The following PEMT variants were observed in gnomAD, a reference collection of about 807,000 sequenced individuals.
PEMT encodes the protein phosphatidylethanolamine N-methyltransferase.
In PEMT, 23 loss-of-function variants were observed where a neutral mutation model predicts 27.4. The observed-to-expected ratio is 0.84, with a 90% CI of 0.60 to 1.19. PEMT has a LOEUF of 1.19. Among genes scored for constraint, PEMT ranks in the 50% most tolerant of loss-of-function variants. The pLI, the probability that PEMT is intolerant of heterozygous loss-of-function variation, is 0.00. For synonymous variants in PEMT, 137 were observed against 139.1 expected (o/e 0.98, Z 0.11); for missense variants, 307 against 310.1 (o/e 0.99, Z 0.07).
chr17:17,519,196 T>C (rs1907081776), intron 3 of PEMT: 1 of 151,910 alleles, frequency 6.6e-6, no homozygotes, highest in South Asian at 2.1e-4. Context: ...GAAGGATGGG[T>C]CACCAGGGAC....
At chr17:17,577,591 C>T (rs997530467) in intron 1 of PEMT, 6 of 831,994 alleles carry the variant, frequency 7.2e-6, no homozygotes, top group South Asian at 5.5e-5. Context: ...ACACTGCCCC[C>T]GCCCCGCCAT....
intron 2 of PEMT, among the ~76,000 whole-genome samples, chr17:17,544,920 A>G (rs1005830452): frequency 1.3e-5 from 2 of 152,180 alleles, no homozygotes; most frequent in Non-Finnish European, 2.9e-5. Flanking sequence ...GGACCTGGAC[A>G]TGTTATTTTG....
rs147323608 is a variant in PEMT, at chr17:17,562,833, C to T, written c.204+14087G>A. On this transcript the variant is annotated intron_variant, in intron 2 of 6. Transcript: ENST00000255389. ...CAAGAAAAAAAAAGAGAGAGAAATGCCCCCAGGTCCCACCAGACCCTTGCC... is the reference window on the plus strand; with the variant it reads ...CAAGAAAAAAAAAGAGAGAGAAATGTCCCCAGGTCCCACCAGACCCTTGCC... Among the ~76,000 whole-genome samples the T allele has an allele frequency of 7.4e-3, 1,126 of 152,142 alleles. 14 individuals are homozygous for T. Among genetic ancestry groups the T allele is most frequent in the Non-Finnish European group, 7.5e-3 (510 of 67,990 alleles).
intron 2 of PEMT, among the ~76,000 whole-genome samples, chr17:17,537,215 C>T (rs1051672546): frequency 2.0e-5 from 3 of 152,350 alleles, no homozygotes; most frequent in Non-Finnish European, 4.4e-5. Context: ...AGCCAGCATG[C>T]TCAGAGTCCA....
rs867655833 is a variant in PEMT, at chr17:17,506,431, C to T, written c.579-130G>A. The T allele has an allele frequency of 7.9e-5, 49 of 623,032 alleles. 1 individual carries two copies. The Middle Eastern group carries it at 1.3e-3, about 16-fold the overall frequency. 38.6% of individuals were successfully genotyped at this position (623,032 alleles called of 1,614,324 possible). A position where few individuals can be genotyped will look rare whatever the true frequency, so the allele number is the denominator to read the frequency against. ...CCGACGCTGGGCCACTTGGGCCGAC[C>T]GAGCCCAGGCAGCACTGCCCCTTCC... On this transcript the variant is annotated intron_variant, in intron 5 of 6. Transcript: ENST00000255389.
intron 3 of PEMT, among the ~76,000 whole-genome samples, chr17:17,516,904 T>G (rs4244593): frequency 0.62 from 94,834 of 151,908 alleles, 30,484 homozygotes; most frequent in African/African-American, 0.78. Context: ...GGCACCTGCC[T>G]CGAGGAAATC....
intron 2 of PEMT, among the ~76,000 whole-genome samples, chr17:17,550,579 C>T (rs1284423106): frequency 6.6e-6 from 1 of 152,198 alleles, no homozygotes; most frequent in Non-Finnish European, 1.5e-5. Context: ...AGGCTGCATT[C>T]GGATCCCATC....
chr17:17,506,853 G>A, intron 5 of PEMT: 1 of 398,402 alleles, frequency 2.5e-6, no homozygotes, highest in Non-Finnish European at 4.6e-6. Context: ...GGGGGCTTAG[G>A]AGCTGCCGCC....
intron 2 of PEMT, among the ~76,000 whole-genome samples, chr17:17,573,390 CT>C (rs2142732484): frequency 6.6e-6 from 1 of 150,912 alleles, no homozygotes; most frequent in East Asian, 1.9e-4. Context: ...TCGCTTGAAC[CT>C]GAGAGGCAGA....
At position 17,512,585 on chromosome 17, in the gene PEMT, G is replaced by C. The variant is rs768980900; in HGVS notation, c.390C>G (p.Gly130=). The C allele has an allele frequency of 3.7e-6, 6 of 1,607,492 alleles. No homozygotes were observed. The highest frequency in any genetic ancestry group is 4.2e-6 in the Non-Finnish European group (5 of 1,176,910). Residue 130 remains glycine, a synonymous_variant, in exon 4 of 7, where the codon GGC becomes GGG. Coordinates refer to ENST00000255389, the MANE Select transcript of PEMT (RefSeq NM_148172.3). The surrounding 1 kb of genome is among the most constrained non-coding windows in gnomAD (Gnocchi z 6.3). ...CGACGCCCAGTCCCAGGAGCGCGAGGCCCAGGCTGTAGGCCGCGGGGGTGT... is the reference window on the plus strand; with the variant it reads ...CGACGCCCAGTCCCAGGAGCGCGAGCCCCAGGCTGTAGGCCGCGGGGGTGT... ...SLDTPAAYSL[G]LALLGLGVVL...
At chr17:17,552,537 C>G (rs961104437) in intron 2 of PEMT, among the ~76,000 whole-genome samples, 2 of 152,206 alleles carry the variant, frequency 1.3e-5, no homozygotes, top group African/African-American at 4.8e-5. Flanking sequence ...CCGCGGCGCA[C>G]CCAAGCCCCA....
chr17:17,540,158 G>A (rs1328200373), intron 2 of PEMT, among the ~76,000 whole-genome samples: 4 of 152,218 alleles, frequency 2.6e-5, no homozygotes, highest in Admixed American at 1.3e-4. Context: ...GGGCAGGGGC[G>A]CAGGATGGAG....
chr17:17,581,819 C>A lies in PEMT; in HGVS notation c.97-4792G>T, dbSNP rs1391877955. ...AGGATTTATGTTGCCCGGAGAAGCA[C>A]CTGCTTCGCTGGAAAGAATGACTAA... is the stretch of plus-strand genomic sequence containing the variant. On this transcript the variant is annotated intron_variant, in intron 1 of 6. Coordinates refer to ENST00000255389, the MANE Select transcript of PEMT (RefSeq NM_148172.3). Among the ~76,000 whole-genome samples, 4 of 152,168 alleles carry A rather than the reference C, an allele frequency of 2.6e-5. No individual in the cohort carries two copies. In the East Asian group the frequency reaches 7.7e-4, roughly 29 times the overall value.
intron 2 of PEMT, among the ~76,000 whole-genome samples, chr17:17,526,958 C>G (rs551129258): frequency 6.6e-6 from 1 of 152,336 alleles, no homozygotes; most frequent in East Asian, 1.9e-4. Context: ...GGGAACAAGA[C>G]CCTTTCCTAG....
At chr17:17,577,415 A>C (rs1197059205) in intron 1 of PEMT, 25 of 953,814 alleles carry the variant, frequency 2.6e-5, no homozygotes, top group Non-Finnish European at 3.0e-5. Context: ...TCAACCTACC[A>C]GGAATCAGGT....
chr17:17,558,821 C>T (rs1910262111), intron 2 of PEMT, among the ~76,000 whole-genome samples: 1 of 152,090 alleles, frequency 6.6e-6, no homozygotes, highest in Non-Finnish European at 1.5e-5. Context: ...TTCCAGCCGA[C>T]ACCCCTCCCA....
intron 2 of PEMT, among the ~76,000 whole-genome samples, chr17:17,537,117 C>T (rs546785356): frequency 1.3e-5 from 2 of 152,320 alleles, no homozygotes; most frequent in East Asian, 1.9e-4. Flanking sequence ...GCTCCTTTTC[C>T]CTGTCTGTCT....
intron 2 of PEMT, among the ~76,000 whole-genome samples, chr17:17,553,045 C>A (rs1368047740): frequency 5.3e-5 from 8 of 152,206 alleles, no homozygotes; most frequent in Non-Finnish European, 1.5e-5. Context: ...TGGAAACCAG[C>A]ATGCAGGTTT....
At chr17:17,531,620 G>GAAAAAAAAA (rs1567689662) in intron 2 of PEMT, among the ~76,000 whole-genome samples, 8 of 20,470 alleles carry the variant, frequency 3.9e-4, no homozygotes, top group South Asian at 1.4e-3. Context: ...GCTATCATAT[G>GAAAAAAAAA]CAAAAAAAAA....
Sources: gnomAD v4.1 joint callset for allele counts (sites outside exome capture counted in the v4.1 genomes callset) on GRCh38, gnomAD v4.1.1 for gene constraint, Gnocchi (gnomAD v3.1) non-coding constraint, MANE v1.5 for transcripts, NCBI Gene and HGNC (gene_info 2026-07-23, HGNC 2026-07-21) for gene names.